Variants in MED6 observed in about 807,000 individuals in gnomAD.
MED6 encodes the protein mediator complex subunit 6, also known as mediator of RNA polymerase II transcription subunit 6.
Under a neutral mutation model 37.5 loss-of-function variants are expected in MED6, and 33 were observed. That is an observed-to-expected ratio of 0.88 (90% CI 0.67 to 1.18). MED6 has a LOEUF of 1.18. Ranked by LOEUF, MED6 falls within the 50% of genes most tolerant of loss-of-function variation. The pLI is 0.00. For missense variants in MED6, 235 were observed against 290.6 expected (o/e 0.81, Z 1.39); for synonymous variants, 94 against 93.6 (o/e 1.00, Z -0.02).
At position 70,583,926 on chromosome 14, in the gene MED6, T is replaced by C. The variant is rs891998974; in HGVS notation, c.*887A>G. On this transcript the variant is annotated 3_prime_UTR_variant, in exon 8 of 8. Transcript: ENST00000256379. The stretch of plus-strand genomic sequence containing the variant: ...CTCACCAGATGGAGCCAATCAATGC[T>C]GGACTTCTCAGCCTCCATAACTTTA... 8 of 434,658 alleles carry C rather than the reference T, an allele frequency of 1.8e-5. No individual in the cohort carries two copies. Among genetic ancestry groups the C allele is most frequent in the Non-Finnish European group, 3.2e-5 (8 of 247,384 alleles). 26.9% of individuals were successfully genotyped at this position (434,658 alleles called of 1,614,324 possible).
intron 6 of MED6, among the ~76,000 whole-genome samples, chr14:70,589,626 C>G (rs1884813173): frequency 6.6e-6 from 1 of 152,200 alleles, no homozygotes; most frequent in Non-Finnish European, 1.5e-5. Flanking sequence ...CTGAATGCAT[C>G]TGGAGGCCTG....
chr14:70,590,272 C>T (rs139644747), intron 6 of MED6, among the ~76,000 whole-genome samples: 38 of 152,334 alleles, frequency 2.5e-4, no homozygotes, highest in African/African-American at 8.9e-4. Flanking sequence ...TAACCTCTTA[C>T]ATTCTGTAGA....
intron 1 of MED6, 145 bp downstream of exon 1, chr14:70,600,471 G>A: frequency 5.6e-6 from 4 of 719,934 alleles, no homozygotes; most frequent in Non-Finnish European, 6.4e-6. Context: ...CGTTTCGCTA[G>A]ATCACAGCCT....
At chr14:70,595,494 T>A in intron 3 of MED6, 1 of 654,896 alleles carries the variant, frequency 1.5e-6, no homozygotes, top group South Asian at 1.5e-5. Flanking sequence ...GAAGGCCAGC[T>A]TGGAGAACAG....
At chr14:70,592,836 G>C (rs752813209) in intron 5 of MED6, 44 bp downstream of exon 5, 4 of 1,599,474 alleles carry the variant, frequency 2.5e-6, no homozygotes, top group East Asian at 4.5e-5. Context: ...TTCATTCTCA[G>C]AGGATCAAAA....
intron 6 of MED6, among the ~76,000 whole-genome samples, chr14:70,587,960 T>C (rs1459931063): frequency 3.9e-5 from 6 of 152,204 alleles, no homozygotes; most frequent in Non-Finnish European, 8.8e-5. Context: ...AACATCCCCT[T>C]ACAGGGGCAA....
chr14:70,584,294 G>T lies in MED6; in HGVS notation c.*519C>A. On this transcript the variant is annotated 3_prime_UTR_variant, in exon 8 of 8. Coordinates refer to ENST00000256379, the MANE Select transcript of MED6 (RefSeq NM_005466.4). ...CATATCTACCAGTAAACATGTGAGT[G>T]TGTAGGTTGCTCAAGTCCGGGAGAG... 1 of 584,906 alleles carries T rather than the reference G, an allele frequency of 1.7e-6. No individual in the cohort carries two copies. Among genetic ancestry groups the T allele is most frequent in the Non-Finnish European group, 3.0e-6 (1 of 327,954 alleles). 36.2% of individuals were successfully genotyped at this position (584,906 alleles called of 1,614,324 possible).
intron 3 of MED6, among the ~76,000 whole-genome samples, chr14:70,594,128 T>C (rs532125255): frequency 1.3e-5 from 2 of 152,328 alleles, no homozygotes; most frequent in Non-Finnish European, 2.9e-5. Flanking sequence ...AGATTGTCCA[T>C]AAATGTCTTA....
rs1453972288 is a variant in MED6 at position 70,600,611 on chromosome 14, T to C, written c.22+5A>G. 5.6e-6 allele frequency: 9 copies of C among 1,613,098 alleles called. No homozygotes were observed. Among genetic ancestry groups the C allele is most frequent in the Non-Finnish European group, 7.6e-6 (9 of 1,179,848 alleles). ...CAAGAGACAAAATATAGCAATACAG[T>C]ATACCTCGGATATCCACCGCCGCCA... On this transcript the variant is annotated splice_donor_5th_base_variant and intron_variant, in intron 1 of 7. Coordinates refer to ENST00000256379, the MANE Select transcript of MED6 (RefSeq NM_005466.4).
At chr14:70,585,817 A>G (rs1490642693) in intron 6 of MED6, 34 bp from the exon 7 acceptor site, 1 of 1,587,956 alleles carries the variant, frequency 6.3e-7, no homozygotes, top group Non-Finnish European at 8.6e-7. Flanking sequence ...AGGGAGAGGA[A>G]GAGGAAAAAG....
At chr14:70,594,299 A>C (rs926796198) in intron 3 of MED6, among the ~76,000 whole-genome samples, 3 of 152,116 alleles carry the variant, frequency 2.0e-5, no homozygotes, top group Non-Finnish European at 4.4e-5. Flanking sequence ...TTTGATTCAA[A>C]ACCAAATCTG....
At position 70,592,909 on chromosome 14, in the gene MED6, C is replaced by T; in HGVS notation, c.437G>A (p.Trp146Ter). The change falls in exon 5 of 8, where the codon TGG (tryptophan) becomes TAG (stop). Residue 146 changes from tryptophan (W) to a stop codon, truncating the protein, a stop_gained. Transcript: ENST00000256379. LOFTEE classifies it high-confidence loss of function. ...CTCTTCATGATCTTTGAAGTGCCAC[C>T]AATACCCTTTGGAAGGATGATATCG... is the stretch of plus-strand genomic sequence containing the variant. ...YCRYHPSKGYWWHFKDHEEQD... is the reference protein window; with the variant it reads ...YCRYHPSKGY 1 of 1,613,866 alleles carries T rather than the reference C, an allele frequency of 6.2e-7. No individual in the cohort carries two copies. The highest frequency in any genetic ancestry group is 8.5e-7 in the Non-Finnish European group (1 of 1,179,884).
chr14:70,592,830 T>A, intron 5 of MED6, 50 bp downstream of exon 5: 1 of 1,595,162 alleles, frequency 6.3e-7, no homozygotes, highest in East Asian at 2.2e-5. Context: ...AACAGCTTCA[T>A]TCTCAGAGGA....
intron 3 of MED6, chr14:70,596,365 C>A (rs1885045030): frequency 2.7e-6 from 1 of 364,524 alleles, no homozygotes; most frequent in Non-Finnish European, 5.1e-6. Flanking sequence ...TCCTACAGAC[C>A]CCACCTGACA....
rs1884941066 is a variant in MED6 at position 70,593,332 on chromosome 14, C to T, written c.321G>A (p.Gln107=). 6.2e-7 allele frequency: 1 copy of T among 1,613,798 alleles called. No individual in the cohort carries two copies. Reference sequence around the variant, plus strand: ...TTATAACTGATCCCAAGTCTGGTGCCTGATAGATCACTCCAGCAATGATAT... The same window carrying T: ...TTATAACTGATCCCAAGTCTGGTGCTTGATAGATCACTCCAGCAATGATAT... ...DYYIIAGVIY[Q]APDLGSVINS... is the part of the protein sequence containing the mutation. The change falls in exon 4 of 8, where the codon CAG becomes CAA. Residue 107 remains glutamine (Q), a synonymous_variant. Transcript: ENST00000256379.
At chr14:70,585,179 T>C (rs894456468) in intron 7 of MED6, among the ~76,000 whole-genome samples, 1 of 152,210 alleles carries the variant, frequency 6.6e-6, no homozygotes, top group Non-Finnish European at 1.5e-5. Context: ...AGTAAGACAG[T>C]ATGTAAAAAC....
chr14:70,586,417 G>A (rs936553130), intron 6 of MED6, among the ~76,000 whole-genome samples: 2 of 152,054 alleles, frequency 1.3e-5, no homozygotes, highest in African/African-American at 2.4e-5. Flanking sequence ...AATGCTCTAC[G>A]ACATTCTTGT....
intron 6 of MED6, among the ~76,000 whole-genome samples, chr14:70,588,480 T>C (rs145875364): frequency 0.011 from 1,623 of 151,606 alleles, 17 homozygotes; most frequent in African/African-American, 0.037. Flanking sequence ...GGTCAGGAGA[T>C]TGAAACTATC....
intron 5 of MED6, chr14:70,592,469 C>A (rs1477306791): frequency 6.4e-6 from 1 of 155,962 alleles, no homozygotes; most frequent in Non-Finnish European, 1.4e-5. Flanking sequence ...CACTGTCTCT[C>A]CTATGTTCCT....
Sources: allele counts gnomAD v4.1 joint callset (sites outside exome capture counted in the v4.1 genomes callset), GRCh38; gene constraint gnomAD v4.1.1; transcripts MANE v1.5; gene names NCBI Gene and HGNC (gene_info 2026-07-23, HGNC 2026-07-21).